Variants in CELF4 observed in about 807,000 individuals in gnomAD.
CELF4 encodes CUG-BP- and ETR-3-like factor 4.
CELF4 carries 18 observed loss-of-function variants against 59.9 expected under a neutral mutation model. The ratio of observed to expected loss-of-function variants is 0.30; its 90% CI spans 0.21 to 0.45. The LOEUF (loss-of-function observed/expected upper bound fraction) is 0.45, where lower values mean the gene tolerates loss of function less well. Ranked by LOEUF, CELF4 falls within the 20% of genes least tolerant of loss-of-function variation. The pLI is 1.00. For missense variants in CELF4, 456 were observed against 689.0 expected, an observed-to-expected ratio of 0.66 and a Z score of 3.79; for synonymous variants, 261 against 267.1, an observed-to-expected ratio of 0.98 and a Z score of 0.22.
At chr18:37,340,939 G>A (rs967646800) in intron 2 of CELF4, among the ~76,000 whole-genome samples, 4 of 152,208 alleles carry the variant, frequency 2.6e-5, no homozygotes, top group African/African-American at 9.6e-5. Context: ...GCTAACGTCT[G>A]AGCCACTTGT....
intron 9 of CELF4, 149 bp downstream of exon 9, chr18:37,266,383 AG>A: frequency 1.2e-6 from 1 of 812,988 alleles, no homozygotes; most frequent in Non-Finnish European, 2.0e-6. Context: ...GGCAGCCTGG[AG>A]GGTCTCTGCC....
chr18:37,439,510 C>A (rs1451258389), intron 2 of CELF4, among the ~76,000 whole-genome samples: 3 of 152,102 alleles, frequency 2.0e-5, no homozygotes, highest in African/African-American at 2.4e-5. Context: ...TATCAGTGTC[C>A]AAATGACCTT....
At chr18:37,362,887 C>T (rs966403235) in intron 2 of CELF4, among the ~76,000 whole-genome samples, 7 of 152,166 alleles carry the variant, frequency 4.6e-5, no homozygotes, top group Non-Finnish European at 1.0e-4. Flanking sequence ...GGTGTTGGTT[C>T]GGGCAGCTTC....
intron 6 of CELF4, 50 bp from the exon 7 acceptor site, chr18:37,273,213 C>A (rs969943904): frequency 6.3e-7 from 1 of 1,577,704 alleles, no homozygotes; most frequent in Non-Finnish European, 8.7e-7. Context: ...GGGGGCATCC[C>A]TCCCCGACAG....
At position 37,499,279 on chromosome 18, in the gene CELF4, C is replaced by T. The variant is rs141179596; in HGVS notation, c.287-13672G>A. Among the ~76,000 whole-genome samples, 701 of 152,280 alleles carry T rather than the reference C, an allele frequency of 4.6e-3. 7 individuals carry two copies. The highest frequency in any genetic ancestry group is 8.1e-3 in the Non-Finnish European group (553 of 68,028). On this transcript the variant is annotated intron_variant, in intron 1 of 12. Coordinates refer to ENST00000420428, the MANE Select transcript of CELF4 (RefSeq NM_020180.4). The stretch of plus-strand genomic sequence containing the variant: ...GGAGGCGGTAATGAGCTGGCAGGGG[C>T]CTAGGTGACAAAGAGCTGGCTTCAT...
intron 3 of CELF4, among the ~76,000 whole-genome samples, chr18:37,282,364 A>G (rs2094250804): frequency 6.6e-6 from 1 of 152,236 alleles, no homozygotes; most frequent in African/African-American, 2.4e-5. Context: ...TTGTGCAAAA[A>G]CAGACATTTC....
chr18:37,438,329 G>A (rs1444677859), intron 2 of CELF4, among the ~76,000 whole-genome samples: 1 of 152,176 alleles, frequency 6.6e-6, no homozygotes, highest in African/African-American at 2.4e-5. Flanking sequence ...GAAATGGACC[G>A]AGTATCCATG....
chr18:37,326,886 A>T (rs538933820), intron 2 of CELF4, among the ~76,000 whole-genome samples: 1 of 152,298 alleles, frequency 6.6e-6, no homozygotes, highest in East Asian at 1.9e-4. Flanking sequence ...TAAACAAGAC[A>T]TTCCATTAAT....
intron 2 of CELF4, among the ~76,000 whole-genome samples, chr18:37,462,605 T>C (rs971911345): frequency 1.3e-5 from 2 of 152,144 alleles, no homozygotes; most frequent in Non-Finnish European, 2.9e-5. Context: ...CTCTTCTATG[T>C]TGAAGTGAGA....
intron 2 of CELF4, among the ~76,000 whole-genome samples, chr18:37,449,810 G>A (rs2099758149): frequency 6.6e-6 from 1 of 152,228 alleles, no homozygotes; most frequent in Non-Finnish European, 1.5e-5. Context: ...CAAAGGCCCT[G>A]GGGCATGTGG....
intron 10 of CELF4, among the ~76,000 whole-genome samples, chr18:37,263,523 G>A (rs987484407): frequency 2.0e-5 from 3 of 152,066 alleles, no homozygotes; most frequent in Admixed American, 6.5e-5. Flanking sequence ...GGGTAGAGAG[G>A]ATGGGACCTT....
rs982454519 is a variant in CELF4 at position 37,254,564 on chromosome 18, G to T, written c.1334-626C>A. On this transcript the variant is annotated intron_variant, in intron 11 of 12. Transcript: ENST00000420428. The surrounding 1 kb of genome is among the most constrained non-coding windows in gnomAD (Gnocchi z 5.1). ...GCCTCTGCCCGCCCCGCCAGGCTCC[G>T]GGTGGGCCCTGGGCGTCACCTCGCC... Among the ~76,000 whole-genome samples the T allele has an allele frequency of 3.9e-5, 6 of 152,092 alleles. No individual in the cohort carries two copies. The highest frequency in any genetic ancestry group is 3.3e-4 in the Admixed American group (5 of 15,286).
At chr18:37,367,333 G>A (rs2098797844) in intron 2 of CELF4, among the ~76,000 whole-genome samples, 1 of 152,062 alleles carries the variant, frequency 6.6e-6, no homozygotes, top group African/African-American at 2.4e-5. Flanking sequence ...GGCAGACACG[G>A]GGGAGTGGGG....
chr18:37,552,547 C>T (rs2099983564), intron 1 of CELF4, among the ~76,000 whole-genome samples: 1 of 152,250 alleles, frequency 6.6e-6, no homozygotes, highest in Non-Finnish European at 1.5e-5. Context: ...GGGATGCTCT[C>T]CTCCTGGCTG....
At chr18:37,371,224 A>G (rs1275450130) in intron 2 of CELF4, among the ~76,000 whole-genome samples, 1 of 152,212 alleles carries the variant, frequency 6.6e-6, no homozygotes, top group African/African-American at 2.4e-5. Context: ...GCTTTAAGTC[A>G]TCTGAAGATT....
At chr18:37,524,304 G>A (rs1240917748) in intron 1 of CELF4, among the ~76,000 whole-genome samples, 1 of 152,204 alleles carries the variant, frequency 6.6e-6, no homozygotes, top group East Asian at 1.9e-4. Flanking sequence ...GGTAGGATGA[G>A]GGTGACAAGG....
At chr18:37,507,467 C>A (rs998990324) in intron 1 of CELF4, among the ~76,000 whole-genome samples, 17 of 152,234 alleles carry the variant, frequency 1.1e-4, no homozygotes, top group Non-Finnish European at 1.9e-4. Flanking sequence ...CAGGCCAGCA[C>A]AGTGATTGTC....
At chr18:37,260,500 C>T (rs2154302610) in intron 10 of CELF4, among the ~76,000 whole-genome samples, 2 of 152,286 alleles carry the variant, frequency 1.3e-5, no homozygotes, top group Middle Eastern at 6.8e-3. Flanking sequence ...AAGGTTCTGA[C>T]CAGAGGCTGC....
chr18:37,314,467 C>CAGACAGAAAAAGAAAGAAAGAA (rs2096789845), intron 3 of CELF4, among the ~76,000 whole-genome samples: 1 of 152,028 alleles, frequency 6.6e-6, no homozygotes, highest in Admixed American at 6.6e-5. Flanking sequence ...GAAAGAAAGA[C>CAGACAGAAAAAGAAAGAAAGAA]AGACAGAAAA....
Sources: gnomAD v4.1 joint callset for allele counts (sites outside exome capture counted in the v4.1 genomes callset) on GRCh38, gnomAD v4.1.1 for gene constraint, Gnocchi (gnomAD v3.1) non-coding constraint, MANE v1.5 for transcripts, NCBI Gene and HGNC (gene_info 2026-07-23, HGNC 2026-07-21) for gene names.